Variants in SLC24A1 observed in about 807,000 individuals in gnomAD.
The protein encoded by SLC24A1 is sodium/potassium/calcium exchanger 1.
In SLC24A1, 52 loss-of-function variants were observed where a neutral mutation model predicts 88.1. The ratio of observed to expected loss-of-function variants is 0.59; its 90% CI spans 0.47 to 0.74. The LOEUF (loss-of-function observed/expected upper bound fraction) is 0.74. Ranked by LOEUF, SLC24A1 falls within the 30% of genes least tolerant of loss-of-function variation. The probability of loss-of-function intolerance (pLI) is 0.00; values close to 1 mark genes in which losing one functional copy is unlikely to be tolerated. For missense variants in SLC24A1, 1,173 were observed against 1,363.3 expected (o/e 0.86, Z 2.20); for synonymous variants, 455 against 498.0 (o/e 0.91, Z 1.15).
chr15:65,655,472 G>C lies in SLC24A1; in HGVS notation c.*1393G>C, dbSNP rs1464276104. 2 of 985,022 alleles carry C rather than the reference G, an allele frequency of 2.0e-6. No homozygotes were observed. Among genetic ancestry groups the C allele is most frequent in the African/African-American group, 3.5e-5 (2 of 57,224 alleles). The allele number at this position is 985,022 out of a possible 1,614,324, so 61.0% of individuals were successfully genotyped here. ...GGACACTTGAGTTTTTAAAACTGTGGTTAAATGTTTTATGTGGAATTTGAT... is the reference window on the plus strand; with the variant it reads ...GGACACTTGAGTTTTTAAAACTGTGCTTAAATGTTTTATGTGGAATTTGAT... On this transcript the variant is annotated 3_prime_UTR_variant, in exon 10 of 10. Coordinates refer to ENST00000261892, the MANE Select transcript of SLC24A1 (RefSeq NM_004727.3).
intron 9 of SLC24A1, 55 bp from the exon 10 acceptor site, chr15:65,653,775 G>A (rs1201655343): frequency 4.5e-6 from 7 of 1,561,932 alleles, no homozygotes; most frequent in East Asian, 2.3e-5. Context: ...CTATTTAAGT[G>A]TATGGGATTA....
Position 65,650,321 on chromosome 15 carries a change from T to G in SLC24A1, c.2233-61T>G. 1 of 1,372,708 alleles carries G rather than the reference T, an allele frequency of 7.3e-7. No individual in the cohort carries two copies. The allele number at this position is 1,372,708 out of a possible 1,614,324, so 85.0% of individuals were successfully genotyped here. ...GCACGCCAACAAAAAAATGGGGGAG[T>G]AACATAAGGAAAACAAGCAGAGCAG... On this transcript the variant is annotated intron_variant, in intron 6 of 9. Transcript: ENST00000261892. The surrounding 1 kb of genome is among the most constrained non-coding windows in gnomAD (Gnocchi z 4.1).
chr15:65,624,875 A>C lies in SLC24A1; in HGVS notation c.795A>C (p.Glu265Asp). 2 of 1,614,046 alleles carry C rather than the reference A, an allele frequency of 1.2e-6. No homozygotes were observed. The highest frequency in any genetic ancestry group is 1.7e-6 in the Non-Finnish European group (2 of 1,179,908). The change falls in exon 2 of 10, where the codon GAA (glutamate) becomes GAC (aspartate). Residue 265 changes from glutamate to aspartate, a missense_variant. Transcript: ENST00000261892. Reference protein sequence around the residue: ...STPTFLTHEVEANVLTSPRSV... With the variant: ...STPTFLTHEVDANVLTSPRSV... ...CAACTTTTCTGACACATGAGGTAGA[A>C]GCAAACGTCTTGACTTCTCCAAGGA...
rs1215304499 is a variant in SLC24A1 at position 65,624,655 on chromosome 15, C to G, written c.575C>G (p.Pro192Arg). Residue 192 changes from proline to arginine, a missense_variant, in exon 2 of 10, where the codon CCA becomes CGA. Physicochemically the swap from Pro to Arg is moderately radical, Grantham distance 103. Transcript: ENST00000261892. ...GAAAAGGTGAAGTATACTCCTTCCCCACGTGGTAGAAGAGTAGGCACTTAC... is the reference window on the plus strand; with the variant it reads ...GAAAAGGTGAAGTATACTCCTTCCCGACGTGGTAGAAGAGTAGGCACTTAC... ...VREKVKYTPSPRGRRVGTYVP... is the reference protein window; with the variant it reads ...VREKVKYTPSRRGRRVGTYVP... 1.3e-6 allele frequency: 2 copies of G among 1,595,802 alleles called. No individual in the cohort carries two copies. Among genetic ancestry groups the G allele is most frequent in the Non-Finnish European group, 1.7e-6 (2 of 1,171,162 alleles).
At chr15:65,628,652 A>C (rs903271788) in intron 2 of SLC24A1, among the ~76,000 whole-genome samples, 3 of 152,250 alleles carry the variant, frequency 2.0e-5, no homozygotes, top group African/African-American at 7.2e-5. Flanking sequence ...TTACACAGCT[A>C]CTTGGTGATC....
At chr15:65,657,610 C>T (rs961035427), downstream of SLC24A1, among the ~76,000 whole-genome samples, 3 of 152,332 alleles carry the variant, frequency 2.0e-5, no homozygotes, top group African/African-American at 4.8e-5. Context: ...TGCCACTGCA[C>T]TCCAGCCTGG....
Position 65,654,944 on chromosome 15 carries a change from T to C in SLC24A1, c.*865T>C. 9.8e-7 allele frequency: 1 copy of C among 1,020,108 alleles called. No homozygotes were observed. The highest frequency in any genetic ancestry group is 1.2e-6 in the Non-Finnish European group (1 of 849,982). 63.2% of individuals were successfully genotyped at this position (1,020,108 alleles called of 1,614,324 possible). ...AAAGGAGGACTACATTAACTCTTAT[T>C]GTTGTGTTTCTGAAAAGTGAAATTT... On this transcript the variant is annotated 3_prime_UTR_variant, in exon 10 of 10. Coordinates refer to ENST00000261892, the MANE Select transcript of SLC24A1 (RefSeq NM_004727.3).
rs768821321 is a variant in SLC24A1, at chr15:65,651,740, TGGTG to T, written c.2865_2868del (p.Met955IlefsTer11). The stretch of plus-strand genomic sequence containing the variant: ...TGGATAGCCATGTTCTCATACCTCA[TGGTG>T]TGGTGGGCTCACCAGGTGAGTGAAC... On this transcript the variant is annotated frameshift_variant, in exon 8 of 10. Coordinates refer to ENST00000261892, the MANE Select transcript of SLC24A1 (RefSeq NM_004727.3). LOFTEE classifies it high-confidence loss of function. The T allele has an allele frequency of 1.2e-6, 2 of 1,604,414 alleles. No individual in the cohort carries two copies. The highest frequency in any genetic ancestry group is 2.2e-5 in the South Asian group (2 of 90,732).
At chr15:65,644,677 G>T (rs963114811) in intron 5 of SLC24A1, among the ~76,000 whole-genome samples, 164 bp downstream of exon 5, 1 of 152,138 alleles carries the variant, frequency 6.6e-6, no homozygotes, top group Non-Finnish European at 1.5e-5. Flanking sequence ...TGCCCTGATC[G>T]CCGCTCCACT....
chr15:65,627,991 T>C (rs1012111985), intron 2 of SLC24A1, among the ~76,000 whole-genome samples: 1 of 152,180 alleles, frequency 6.6e-6, no homozygotes, highest in African/African-American at 2.4e-5. Context: ...GACAGGGTCT[T>C]GTTCTGTTGC....
In SLC24A1 at chr15:65,624,570, A is replaced by G; in HGVS notation, c.490A>G (p.Lys164Glu). Residue 164 changes from lysine to glutamate, a missense_variant, in exon 2 of 10, where the codon AAA (lysine) becomes GAA (glutamate). By Grantham distance (56) the Lys-to-Glu change is moderately conservative. Transcript: ENST00000261892. The stretch of plus-strand genomic sequence containing the variant: ...CTCAACTTCAAGCAGACAAATAGTA[A>G]AAAAGTATACCCCAACACCCAGGGG... Reference protein sequence around the residue: ...YTSTSSRQIVKKYTPTPRGEM... With the variant: ...YTSTSSRQIVEKYTPTPRGEM... The G allele has an allele frequency of 1.3e-6, 2 of 1,595,760 alleles. No homozygotes were observed. Among genetic ancestry groups the G allele is most frequent in the Non-Finnish European group, 1.7e-6 (2 of 1,170,990 alleles).
downstream of SLC24A1, among the ~76,000 whole-genome samples, chr15:65,656,571 TGA>T (rs1345933419): frequency 6.6e-6 from 1 of 152,248 alleles, no homozygotes; most frequent in Non-Finnish European, 1.5e-5. Flanking sequence ...GAGATAATAT[TGA>T]GATGGTCCTC....
chr15:65,652,884 T>C (rs1199494459), intron 9 of SLC24A1, 76 bp downstream of exon 9: 12 of 1,214,626 alleles, frequency 9.9e-6, no homozygotes, highest in Non-Finnish European at 1.4e-5. Flanking sequence ...TCACTGGTTT[T>C]CTGCTTTATT....
At chr15:65,649,013 G>C (rs1247303092) in intron 6 of SLC24A1, among the ~76,000 whole-genome samples, 1 of 152,204 alleles carries the variant, frequency 6.6e-6, no homozygotes, top group Non-Finnish European at 1.5e-5. Context: ...GGATGTTTTA[G>C]GAACAGCTGT....
rs1421505466 is a variant in SLC24A1 at position 65,645,701 on chromosome 15, C to G, written c.2230C>G (p.Gln744Glu). The G allele has an allele frequency of 6.4e-7, 1 of 1,567,348 alleles. No homozygotes were observed. The highest frequency in any genetic ancestry group is 2.4e-5 in the East Asian group (1 of 42,096). ...KGDQKENPGG[Q>E]EDVAEAESTG... ...AGATCAGAAGGAGAATCCAGGCGGT[C>G]AGGTAGGCACCCAGCCTTGGCACAG... Residue 744 changes from glutamine to glutamate, a missense_variant and splice_region_variant, in exon 6 of 10, where the codon CAG becomes GAG. Physicochemically the swap from Gln to Glu is conservative, Grantham distance 29 (BLOSUM62 2). Coordinates refer to ENST00000261892, the MANE Select transcript of SLC24A1 (RefSeq NM_004727.3).
intron 3 of SLC24A1, among the ~76,000 whole-genome samples, chr15:65,638,770 C>T (rs2075022627): frequency 6.6e-6 from 1 of 151,988 alleles, no homozygotes. Context: ...AGTGTCACCA[C>T]AACCACTAGA....
At position 65,625,660 on chromosome 15, in the gene SLC24A1, C is replaced by T. The variant is rs748020043; in HGVS notation, c.1580C>T (p.Thr527Ile). ...TCCCACAGCAACGTGGGCATTGGTA[C>T]CATTGTGGGCTCTGCTGTGTTCAAC... ...FISHSNVGIG[T>I]IVGSAVFNIL... is the part of the protein sequence containing the mutation. The change falls in exon 2 of 10, where the codon ACC becomes ATC. Residue 527 changes from threonine to isoleucine, a missense_variant. Transcript: ENST00000261892. 2 of 1,613,896 alleles carry T rather than the reference C, an allele frequency of 1.2e-6. No individual in the cohort carries two copies. The highest frequency in any genetic ancestry group is 4.5e-5 in the East Asian group (2 of 44,888).
At chr15:65,637,038 G>GA (rs918122444) in intron 2 of SLC24A1, among the ~76,000 whole-genome samples, 15 of 148,110 alleles carry the variant, frequency 1.0e-4, no homozygotes, top group South Asian at 2.1e-4. Context: ...GGCAAAAAAA[G>GA]AAAAAAAAAG....
chr15:65,655,654 G>A lies in SLC24A1; in HGVS notation c.*1575G>A. 8.1e-6 allele frequency: 8 copies of A among 985,374 alleles called. No individual in the cohort carries two copies. The highest frequency in any genetic ancestry group is 9.6e-6 in the Non-Finnish European group (8 of 829,920). 61.0% of individuals were successfully genotyped at this position (985,374 alleles called of 1,614,324 possible). On this transcript the variant is annotated 3_prime_UTR_variant, in exon 10 of 10. Coordinates refer to ENST00000261892, the MANE Select transcript of SLC24A1 (RefSeq NM_004727.3). ...TAAATATGGCTTTAATTACAAACATGAGGAATGATTCACTGAAGATGAAAA... is the reference window on the plus strand; with the variant it reads ...TAAATATGGCTTTAATTACAAACATAAGGAATGATTCACTGAAGATGAAAA...
Sources: gnomAD v4.1 joint callset for allele counts (sites outside exome capture counted in the v4.1 genomes callset) on GRCh38, gnomAD v4.1.1 for gene constraint, Gnocchi (gnomAD v3.1) non-coding constraint, MANE v1.5 for transcripts, NCBI Gene and HGNC (gene_info 2026-07-23, HGNC 2026-07-21) for gene names.